Variants in HSPA8 observed in about 807,000 individuals in gnomAD.
HSPA8 encodes the protein heat shock cognate 71 kDa protein.
Under a neutral mutation model 52.8 loss-of-function variants are expected in HSPA8, and 2 were observed. The observed-to-expected ratio is 0.04, with a 90% CI of 0.02 to 0.12. The LOEUF is 0.12. Among genes scored for constraint, HSPA8 ranks in the 10% least tolerant of loss-of-function variants. The probability of loss-of-function intolerance (pLI) is 1.00; values close to 1 mark genes in which losing one functional copy is unlikely to be tolerated. For synonymous variants in HSPA8, 436 were observed against 274.0 expected (o/e 1.59, Z -5.84); for missense variants, 349 against 800.5 (o/e 0.44, Z 6.81).
At position 123,059,773 on chromosome 11, in the gene HSPA8, G is replaced by C. The variant is rs751121248; in HGVS notation, c.820C>G (p.Leu274Val). 6.2e-7 allele frequency: 1 copy of C among 1,613,904 alleles called. No homozygotes were observed. The highest frequency in any genetic ancestry group is 8.5e-7 in the Non-Finnish European group (1 of 1,179,866). Residue 274 changes from leucine to valine, a missense_variant, in exon 5 of 9, where the codon CTC becomes GTC. Leu to Val is a conservative substitution (Grantham distance 32). Coordinates refer to ENST00000534624, the MANE Select transcript of HSPA8 (RefSeq NM_006597.6). ...ATACTGGCCTGGGTGCTGGAAGAGA[G>C]GGTACGCTTAGCACGTTCACAAGCA... ...RTACERAKRT[L>V]SSSTQASIEI...
chr11:123,059,403 A>G, intron 5 of HSPA8, 70 bp downstream of exon 5: 1 of 1,374,050 alleles, frequency 7.3e-7, no homozygotes, highest in Non-Finnish European at 1.0e-6. Context: ...CGAATGTTTA[A>G]CAATCACTCA....
Position 123,060,060 on chromosome 11 carries a change from C to T in HSPA8, c.565-32G>A, listed in dbSNP as rs1041755663. On this transcript the variant is annotated intron_variant, in intron 4 of 8. Coordinates refer to ENST00000534624, the MANE Select transcript of HSPA8 (RefSeq NM_006597.6). ...TTAAAAACAATCTCATTTAAATTTA[C>T]GATGGATCAAATTAATCTTAAAATA... 11 of 1,613,860 alleles carry T rather than the reference C, an allele frequency of 6.8e-6. No individual in the cohort carries two copies. In the African/African-American group the frequency reaches 8.0e-5, roughly 12 times the overall value.
intron 6 of HSPA8, 102 bp downstream of exon 6, chr11:123,058,957 G>A: frequency 1.4e-6 from 2 of 1,403,586 alleles, no homozygotes; most frequent in Non-Finnish European, 2.0e-6. Flanking sequence ...ACTTTCTGGT[G>A]GAAACTACGA....
Position 123,058,255 on chromosome 11 carries a change from ATTC to A in HSPA8, c.1749_1751del (p.Lys583del). 1 of 1,429,640 alleles carries A rather than the reference ATTC, an allele frequency of 7.0e-7. No homozygotes were observed. The highest frequency in any genetic ancestry group is 1.2e-5 in the South Asian group (1 of 84,802). The allele number at this position is 1,429,640 out of a possible 1,614,324, so 88.6% of individuals were successfully genotyped here. ...AAAAAAAAAAAAAAACACAAACCTG[ATTC>A]TTATCAAGCCAGTTGATAATTTCAT... On this transcript the variant is annotated inframe_deletion, in exon 8 of 9. Coordinates refer to ENST00000534624, the MANE Select transcript of HSPA8 (RefSeq NM_006597.6).
chr11:123,057,771 C>T lies in HSPA8; in HGVS notation c.1904G>A (p.Gly635Asp). The T allele has an allele frequency of 6.2e-7, 1 of 1,613,592 alleles. No individual in the cohort carries two copies. Among genetic ancestry groups the T allele is most frequent in the East Asian group, 2.2e-5 (1 of 44,882 alleles). Residue 635 changes from glycine (G) to aspartate (D), a missense_variant, in exon 9 of 9, where the codon GGT becomes GAT. By Grantham distance (94) the Gly-to-Asp change is moderately conservative. Transcript: ENST00000534624. ...TTCAATGGTGGGCCCTGAGGAAGCACCACCAGAGGGAGGAGCTCCACCACC... is the reference window on the plus strand; with the variant it reads ...TTCAATGGTGGGCCCTGAGGAAGCATCACCAGAGGGAGGAGCTCCACCACC... ...FPGGGAPPSG[G>D]ASSGPTIEEV...
rs2135438990 is a variant in HSPA8 at position 123,058,278 on chromosome 11, T to C, written c.1729A>G (p.Ile577Val). The C allele has an allele frequency of 1.9e-6, 3 of 1,584,330 alleles. No homozygotes were observed. Among genetic ancestry groups the C allele is most frequent in the Non-Finnish European group, 1.7e-6 (2 of 1,153,512 alleles). The change falls in exon 8 of 9, where the codon ATT becomes GTT. Residue 577 changes from isoleucine to valine, a missense_variant. Transcript: ENST00000534624. The part of the protein sequence containing the change: ...KQKILDKCNE[I>V]INWLDKNQTA... ...TGATTCTTATCAAGCCAGTTGATAA[T>C]TTCATTACACTTGTCCAGAATCTTC...
rs1253466789 is a variant in HSPA8, at chr11:123,058,483, G to A, written c.1524C>T (p.Gly508=). The change falls in exon 8 of 9, where the codon GGC becomes GGT. Residue 508 remains glycine, a splice_region_variant and synonymous_variant. Transcript: ENST00000534624. ...GTTCAATGTCTTCCTTGCTCAAACGGCCTAGGAAAGAAATTAACTCTAAGT... is the reference window on the plus strand; with the variant it reads ...GTTCAATGTCTTCCTTGCTCAAACGACCTAGGAAAGAAATTAACTCTAAGT... ...ENKITITNDK[G]RLSKEDIERM... 1.2e-6 allele frequency: 2 copies of A among 1,613,006 alleles called. No individual in the cohort carries two copies. Among genetic ancestry groups the A allele is most frequent in the African/African-American group, 1.3e-5 (1 of 74,862 alleles).
chr11:123,060,373 C>T lies in HSPA8; in HGVS notation c.412-105G>A, dbSNP rs936132996. ...GTGAAAGAACAGCTGGAGCACCCCCCCCACCAAAATGTAAATTACTGTGTA... is the reference window on the plus strand; with the variant it reads ...GTGAAAGAACAGCTGGAGCACCCCCTCCACCAAAATGTAAATTACTGTGTA... On this transcript the variant is annotated intron_variant, in intron 3 of 8. Coordinates refer to ENST00000534624, the MANE Select transcript of HSPA8 (RefSeq NM_006597.6). 9.6e-6 allele frequency: 11 copies of T among 1,145,484 alleles called. No individual in the cohort carries two copies. The Admixed American group carries it at 1.8e-4, about 19-fold the overall frequency. The allele number at this position is 1,145,484 out of a possible 1,614,324, so 71.0% of individuals were successfully genotyped here.
chr11:123,060,351 AAAG>A, intron 3 of HSPA8, 83 bp from the exon 4 acceptor site: 1 of 1,330,844 alleles, frequency 7.5e-7, no homozygotes, highest in African/African-American at 1.5e-5. Flanking sequence ...AATGCTGGTG[AAAG>A]AACAGCTGGA....
chr11:123,058,498 T>C lies in HSPA8; in HGVS notation c.1523-14A>G, dbSNP rs573806102. The C allele has an allele frequency of 3.1e-6, 5 of 1,609,898 alleles. No individual in the cohort carries two copies. Among genetic ancestry groups the C allele is most frequent in the East Asian group, 2.2e-5 (1 of 44,794 alleles). Reference sequence around the variant, plus strand: ...TGCTCAAACGGCCTAGGAAAGAAATTAACTCTAAGTAAAAGCCTTAAATTA... The same window carrying C: ...TGCTCAAACGGCCTAGGAAAGAAATCAACTCTAAGTAAAAGCCTTAAATTA... On this transcript the variant is annotated splice_polypyrimidine_tract_variant and intron_variant, in intron 7 of 8. Transcript: ENST00000534624.
chr11:123,057,490 T>C lies in HSPA8; in HGVS notation c.*244A>G. 7.5e-6 allele frequency: 3 copies of C among 398,532 alleles called. No homozygotes were observed. Among genetic ancestry groups the C allele is most frequent in the Non-Finnish European group, 1.3e-5 (3 of 224,734 alleles). The allele number at this position is 398,532 out of a possible 1,614,324, so 24.7% of individuals were successfully genotyped here. ...AGATTATTTAAAGACTCAAAGCAAT[T>C]GTATGGTGCCAATTTTAAATAGTTT... On this transcript the variant is annotated 3_prime_UTR_variant, in exon 9 of 9. Coordinates refer to ENST00000534624, the MANE Select transcript of HSPA8 (RefSeq NM_006597.6).
At chr11:123,058,552 T>G in intron 7 of HSPA8, 68 bp from the exon 8 acceptor site, 1 of 1,570,256 alleles carries the variant, frequency 6.4e-7, no homozygotes, top group Non-Finnish European at 8.8e-7. Context: ...TAGTTTCTCT[T>G]AGCTAGACGC....
chr11:123,061,894 A>C (rs569776113), intron 1 of HSPA8, 170 bp downstream of exon 1: 6 of 157,240 alleles, frequency 3.8e-5, no homozygotes, highest in Middle Eastern at 3.3e-3. Flanking sequence ...GCTGCAACCA[A>C]ATACCGCTGC....
At chr11:123,058,160 G>C (rs1273752712) in intron 8 of HSPA8, 92 bp downstream of exon 8, 18 of 865,078 alleles carry the variant, frequency 2.1e-5, no homozygotes, top group Non-Finnish European at 3.3e-5. Flanking sequence ...TCATCATTGT[G>C]ACCCTACACT....
intron 1 of HSPA8, 37 bp from the exon 2 acceptor site, chr11:123,061,366 A>T: frequency 1.3e-6 from 2 of 1,487,448 alleles, no homozygotes; most frequent in Non-Finnish European, 1.9e-6. Context: ...AAATTCAATT[A>T]ATCAAAATAT....
chr11:123,060,335 T>A, intron 3 of HSPA8, 67 bp from the exon 4 acceptor site: 1 of 1,436,712 alleles, frequency 7.0e-7, no homozygotes, highest in Non-Finnish European at 9.7e-7. Flanking sequence ...CTCCAGCAAA[T>A]GGATTAATGC....
At chr11:123,061,680 T>G (rs977621290) in intron 1 of HSPA8, 2 of 316,780 alleles carry the variant, frequency 6.3e-6, no homozygotes, top group East Asian at 7.7e-5. Context: ...TGTACCCCCA[T>G]ACTGGAAGCA....
chr11:123,059,447 A>C (rs764501398), intron 5 of HSPA8, 26 bp downstream of exon 5: 4 of 1,586,916 alleles, frequency 2.5e-6, no homozygotes, highest in Non-Finnish European at 8.6e-7. Context: ...GCCTGCCTTT[A>C]GGGTTAATTG....
At position 123,060,809 on chromosome 11, in the gene HSPA8, T is replaced by TG; in HGVS notation, c.206-12dup. 6.2e-7 allele frequency: 1 copy of TG among 1,601,988 alleles called. No individual in the cohort carries two copies. The highest frequency in any genetic ancestry group is 2.2e-5 in the East Asian group (1 of 44,786). ...TCAGACGTTTGGCATCTGTAAAAGGTGTCAAATGAAAACACTTTCAATTTC... is the reference window on the plus strand; with the variant it reads ...TCAGACGTTTGGCATCTGTAAAAGGTGGTCAAATGAAAACACTTTCAATTTC... On this transcript the variant is annotated splice_polypyrimidine_tract_variant and intron_variant, in intron 2 of 8. Transcript: ENST00000534624.
Sources: allele counts gnomAD v4.1 joint callset, GRCh38; gene constraint gnomAD v4.1.1; transcripts MANE v1.5; gene names NCBI Gene and HGNC (gene_info 2026-07-23, HGNC 2026-07-21).